Variants in AMOTL2 observed in about 807,000 individuals in gnomAD.
AMOTL2 encodes the protein angiomotin like 2.
Under a neutral mutation model 78.4 loss-of-function variants are expected in AMOTL2, and 33 were observed. The observed-to-expected ratio is 0.42, with a 90% CI of 0.32 to 0.56. The LOEUF (loss-of-function observed/expected upper bound fraction) is 0.56. AMOTL2 is among the 20% of genes least tolerant of loss of function. The pLI, the probability that AMOTL2 is intolerant of heterozygous loss-of-function variation, is 0.12. For missense variants in AMOTL2, 983 were observed against 1,030.1 expected, an observed-to-expected ratio of 0.95 and a Z score of 0.63; for synonymous variants, 422 against 428.8, an observed-to-expected ratio of 0.98 and a Z score of 0.20.
At chr3:134,364,029 G>A (rs1476741893) in intron 5 of AMOTL2, among the ~76,000 whole-genome samples, 1 of 152,208 alleles carries the variant, frequency 6.6e-6, no homozygotes, top group East Asian at 1.9e-4. Flanking sequence ...CGGGTGGGAA[G>A]AGGACGCCCG....
intron 5 of AMOTL2, among the ~76,000 whole-genome samples, chr3:134,362,460 C>T (rs1264758077): frequency 6.6e-6 from 1 of 152,178 alleles, no homozygotes; most frequent in Non-Finnish European, 1.5e-5. Flanking sequence ...CATGGTGAGG[C>T]GTTTGTACTT....
chr3:134,357,168 C>A lies in AMOTL2; in HGVS notation c.*537G>T, dbSNP rs1272591726. 1.8e-5 allele frequency: 3 copies of A among 163,510 alleles called. No homozygotes were observed. Among genetic ancestry groups the A allele is most frequent in the African/African-American group, 7.2e-5 (3 of 41,844 alleles). The allele number at this position is 163,510 out of a possible 1,614,324, so 10.1% of individuals were successfully genotyped here. A position where few individuals can be genotyped will look rare whatever the true frequency, so the allele number is the denominator to read the frequency against. On this transcript the variant is annotated 3_prime_UTR_variant, in exon 10 of 10. Coordinates refer to ENST00000249883, the MANE Select transcript of AMOTL2 (RefSeq NM_016201.4). ...CAAGACTAACACCCTTAATAGTCCCCAAAAAATTCAAGTCTTAGTATCCCA... is the reference window on the plus strand; with the variant it reads ...CAAGACTAACACCCTTAATAGTCCCAAAAAAATTCAAGTCTTAGTATCCCA...
chr3:134,356,192 A>G lies in AMOTL2; in HGVS notation c.*1513T>C, dbSNP rs1194047833. The G allele has an allele frequency of 3.3e-5, 5 of 152,586 alleles. No individual in the cohort carries two copies. In the East Asian group the frequency reaches 9.6e-4, roughly 29 times the overall value. The allele number at this position is 152,586 out of a possible 1,614,324, so 9.5% of individuals were successfully genotyped here. On this transcript the variant is annotated 3_prime_UTR_variant, in exon 10 of 10. Transcript: ENST00000249883. ...TGAACCAAATGTATTTTTCAGCTTT[A>G]AACAGGGGTAGGGGAATTTTTTAAA... is the stretch of plus-strand genomic sequence containing the variant.
rs1356477321 is a variant in AMOTL2 at position 134,356,350 on chromosome 3, TAA to T, written c.*1353_*1354del. 6.6e-6 allele frequency: 1 copy of T among 152,378 alleles called. No homozygotes were observed. The allele number at this position is 152,378 out of a possible 1,614,324, so 9.4% of individuals were successfully genotyped here. On this transcript the variant is annotated 3_prime_UTR_variant, in exon 10 of 10. Transcript: ENST00000249883. ...AAGAATCAAGGAGAACTAAAAACGG[TAA>T]AGACAAAACTGCTAAAACCCACCAA... is the stretch of plus-strand genomic sequence containing the variant.
intron 6 of AMOTL2, among the ~76,000 whole-genome samples, chr3:134,360,857 C>A (rs2017324898): frequency 6.6e-6 from 1 of 152,328 alleles, no homozygotes; most frequent in Admixed American, 6.5e-5. Context: ...CATCTTTCCT[C>A]CCAATCTTGG....
At chr3:134,362,199 G>A (rs1183496873) in intron 5 of AMOTL2, among the ~76,000 whole-genome samples, 1 of 152,214 alleles carries the variant, frequency 6.6e-6, no homozygotes, top group African/African-American at 2.4e-5. Flanking sequence ...ATGTACAGAT[G>A]AGAAAATAGA....
In AMOTL2 at chr3:134,365,867, T is replaced by A. The variant is rs1323714859; in HGVS notation, c.1229A>T (p.Gln410Leu). Residue 410 changes from glutamine (Q) to leucine (L), a missense_variant, in exon 5 of 10, where the codon CAG (glutamine) becomes CTG (leucine). Coordinates refer to ENST00000249883, the MANE Select transcript of AMOTL2 (RefSeq NM_016201.4). ...GTCCTGACTGCCGGCCTGGGCCTCCTGTGTCTTGCTTGCCAGGCGGCGATT... is the reference window on the plus strand; with the variant it reads ...GTCCTGACTGCCGGCCTGGGCCTCCAGTGTCTTGCTTGCCAGGCGGCGATT... ...SANRRLASKT[Q>L]EAQAGSQDMV... 6.2e-7 allele frequency: 1 copy of A among 1,614,202 alleles called. No individual in the cohort carries two copies. The highest frequency in any genetic ancestry group is 1.1e-5 in the South Asian group (1 of 91,080).
chr3:134,374,912 T>C, upstream of AMOTL2: 1 of 1,269,460 alleles, frequency 7.9e-7, no homozygotes, highest in Admixed American at 3.7e-5. Flanking sequence ...TGTGTGTGTG[T>C]GTGTGTGTGT....
intron 6 of AMOTL2, among the ~76,000 whole-genome samples, chr3:134,360,903 G>A (rs1425615915): frequency 4.6e-5 from 7 of 152,248 alleles, no homozygotes; most frequent in African/African-American, 1.7e-4. Flanking sequence ...GCCAGACGCA[G>A]TGGCTCATGC....
At chr3:134,373,942 C>T in intron 1 of AMOTL2, 1 of 633,338 alleles carries the variant, frequency 1.6e-6, no homozygotes, top group African/African-American at 2.0e-5. Context: ...GCAAAGGCAC[C>T]TGTAACCCCC....
rs913927987 is a variant in AMOTL2, at chr3:134,365,292, G to A, written c.1279+525C>T. Among the ~76,000 whole-genome samples, 9 of 152,296 alleles carry A rather than the reference G, an allele frequency of 5.9e-5. No individual in the cohort carries two copies. In the South Asian group the frequency reaches 6.2e-4, roughly 11 times the overall value. ...CCCATTCTTCAAGGATGCTTAGACCGCCCCGTTTAGAATGCATCTGTTGGT... is the reference window on the plus strand; with the variant it reads ...CCCATTCTTCAAGGATGCTTAGACCACCCCGTTTAGAATGCATCTGTTGGT... On this transcript the variant is annotated intron_variant, in intron 5 of 9. Coordinates refer to ENST00000249883, the MANE Select transcript of AMOTL2 (RefSeq NM_016201.4).
rs1259813856 is a variant in AMOTL2, at chr3:134,360,190, C to T, written c.1799G>A (p.Arg600Gln). Residue 600 changes from arginine (R) to glutamine (Q), a missense_variant, in exon 7 of 10, where the codon CGA (arginine) becomes CAA (glutamine). Coordinates refer to ENST00000249883, the MANE Select transcript of AMOTL2 (RefSeq NM_016201.4). ...AAAQRDTTLI[R>Q]HSPQPSPSSS... ...GCTGGGTGAGGGCTGGGGGGAATGT[C>T]GGATGAGAGTGGTGTCACGCTGAGC... 8 of 1,613,926 alleles carry T rather than the reference C, an allele frequency of 5.0e-6. No homozygotes were observed. The highest frequency in any genetic ancestry group is 4.0e-5 in the African/African-American group (3 of 74,928).
In AMOTL2 at chr3:134,361,594, G is replaced by T; in HGVS notation, c.1493C>A (p.Ala498Glu). ...RLQQALGQLQAACEKREQLEL... is the reference protein window; with the variant it reads ...RLQQALGQLQEACEKREQLEL... ...CAGCTGCTCCCGCTTCTCACAGGCT[G>T]CCTGCAGCTGCCCGAGCGCCTGCTG... Residue 498 changes from alanine to glutamate, a missense_variant, in exon 6 of 10, where the codon GCA (alanine) becomes GAA (glutamate). Physicochemically the swap from Ala to Glu is moderately radical, Grantham distance 107. Coordinates refer to ENST00000249883, the MANE Select transcript of AMOTL2 (RefSeq NM_016201.4). 1 of 1,613,062 alleles carries T rather than the reference G, an allele frequency of 6.2e-7. No homozygotes were observed. The highest frequency in any genetic ancestry group is 8.5e-7 in the Non-Finnish European group (1 of 1,179,958).
chr3:134,365,046 T>C (rs184643437), intron 5 of AMOTL2, among the ~76,000 whole-genome samples: 467 of 151,930 alleles, frequency 3.1e-3, no homozygotes, highest in Non-Finnish European at 5.4e-3. Context: ...ACAGAGCCCC[T>C]CTCTCAGGCC....
intron 1 of AMOTL2, chr3:134,373,959 C>A (rs2017984707): frequency 2.1e-6 from 1 of 484,682 alleles, no homozygotes; most frequent in Non-Finnish European, 2.7e-6. Flanking sequence ...CCCCACCTAA[C>A]CAAATCAGCC....
chr3:134,374,387 C>T lies in AMOTL2; in HGVS notation c.-107G>A, dbSNP rs549751571. ...CAGCGCAGTCAGACACCACAACCTC[C>T]GGCTCGGCCCAGCTCAGCTCGGCGG... is the stretch of plus-strand genomic sequence containing the variant. On this transcript the variant is annotated 5_prime_UTR_variant, in exon 1 of 10. Transcript: ENST00000249883. 564 of 985,362 alleles carry T rather than the reference C, an allele frequency of 5.7e-4. 2 individuals are homozygous for T. The African/African-American group carries it at 8.1e-3, about 14-fold the overall frequency. The allele number at this position is 985,362 out of a possible 1,614,324, so 61.0% of individuals were successfully genotyped here. A position where few individuals can be genotyped will look rare whatever the true frequency, so the allele number is the denominator to read the frequency against.
chr3:134,371,744 G>T, intron 1 of AMOTL2: 1 of 504,156 alleles, frequency 2.0e-6, no homozygotes, highest in Non-Finnish European at 3.3e-6. Context: ...GACTCATGGA[G>T]ATGAGGAAAA....
chr3:134,368,180 C>T (rs1050050639), intron 2 of AMOTL2, among the ~76,000 whole-genome samples: 2 of 152,186 alleles, frequency 1.3e-5, no homozygotes, highest in Non-Finnish European at 2.9e-5. Flanking sequence ...TGCACCCTGA[C>T]ACTTCTAATC....
chr3:134,358,733 T>A lies in AMOTL2; in HGVS notation c.2105-14A>T, dbSNP rs2017201058. 6.2e-7 allele frequency: 1 copy of A among 1,613,952 alleles called. No homozygotes were observed. The highest frequency in any genetic ancestry group is 1.3e-5 in the African/African-American group (1 of 75,056). Reference sequence around the variant, plus strand: ...GTGCTCTGTCTGCTGGAAAGGTAGGTGGATGGTTATTGCCATGCCTGTAAG... The same window carrying A: ...GTGCTCTGTCTGCTGGAAAGGTAGGAGGATGGTTATTGCCATGCCTGTAAG... On this transcript the variant is annotated splice_polypyrimidine_tract_variant and intron_variant, in intron 8 of 9. Coordinates refer to ENST00000249883, the MANE Select transcript of AMOTL2 (RefSeq NM_016201.4).
Sources: allele counts gnomAD v4.1 joint callset (sites outside exome capture counted in the v4.1 genomes callset), GRCh38; gene constraint gnomAD v4.1.1; transcripts MANE v1.5; gene names NCBI Gene and HGNC (gene_info 2026-07-23, HGNC 2026-07-21).